ARL10: variants seen among roughly 807,000 people sequenced by gnomAD.
The protein encoded by ARL10 is ADP-ribosylation factor-like protein 10.
A neutral mutation model predicts 26.1 loss-of-function variants in ARL10; 23 were observed. That is an observed-to-expected ratio of 0.88 (90% CI 0.63 to 1.25). The LOEUF is 1.25. ARL10 is among the 50% of genes most tolerant of loss of function. The pLI, the probability that ARL10 is intolerant of heterozygous loss-of-function variation, is 0.00. For missense variants in ARL10, 300 were observed against 323.6 expected (o/e 0.93, Z 0.56); for synonymous variants, 138 against 149.1 (o/e 0.93, Z 0.54).
chr5:176,411,728 C>G, the ARL10 span, among the ~76,000 whole-genome samples: 1 of 152,172 alleles, frequency 6.6e-6, no homozygotes, highest in East Asian at 1.9e-4. Flanking sequence ...ATAAGTACAT[C>G]TAACCCTGGA....
chr5:176,382,420 G>A (rs1415207666), downstream of ARL10, among the ~76,000 whole-genome samples: 1 of 152,188 alleles, frequency 6.6e-6, no homozygotes, highest in Non-Finnish European at 1.5e-5. Context: ...GGCTGGAGGG[G>A]AGGCTGTGGA....
chr5:176,408,179 G>A, the ARL10 span, among the ~76,000 whole-genome samples: 2 of 151,986 alleles, frequency 1.3e-5, no homozygotes, highest in African/African-American at 2.4e-5. Flanking sequence ...TTAGGTGGGT[G>A]CGGACAGAAG....
In ARL10 at chr5:176,381,450, T is replaced by C. The variant is rs1179380949; in HGVS notation, c.*9555T>C. Reference sequence around the variant, plus strand: ...AGAAAAATTTTATAGACAAGTTAACTTTAACAGAGCAGAAAAGGGTTCATG... The same window carrying C: ...AGAAAAATTTTATAGACAAGTTAACCTTAACAGAGCAGAAAAGGGTTCATG... On this transcript the variant is annotated 3_prime_UTR_variant, in exon 4 of 4. Transcript: ENST00000310389. The C allele has an allele frequency of 6.6e-6, 1 of 152,238 alleles. No individual in the cohort carries two copies. The highest frequency in any genetic ancestry group is 2.4e-5 in the African/African-American group (1 of 41,464). The allele number at this position is 152,238 out of a possible 1,614,324, so 9.4% of individuals were successfully genotyped here.
intron 1 of ARL10, among the ~76,000 whole-genome samples, chr5:176,398,996 C>T (rs923083962): frequency 4.0e-5 from 6 of 151,888 alleles, no homozygotes; most frequent in Non-Finnish European, 7.4e-5. Context: ...GCACACGTCA[C>T]GACACCCGGC....
At chr5:176,393,359 T>A (rs1356705153), downstream of ARL10, among the ~76,000 whole-genome samples, 2 of 152,192 alleles carry the variant, frequency 1.3e-5, no homozygotes, top group Non-Finnish European at 2.9e-5. This position sits in a 1 kb window ranked among gnomAD's most constrained non-coding sequence, Gnocchi z 4.4. Flanking sequence ...CTTAGCTATT[T>A]CACCATTTCC....
At chr5:176,397,540 C>A (rs1756597015) in intron 1 of ARL10, 9 of 493,184 alleles carry the variant, frequency 1.8e-5, no homozygotes, top group Non-Finnish European at 2.9e-5. Context: ...GTCCCCACGG[C>A]CCCCTCATGT....
At chr5:176,389,587 C>G, downstream of ARL10, 9 of 1,382,748 alleles carry the variant, frequency 6.5e-6, no homozygotes, top group Non-Finnish European at 7.9e-6. Flanking sequence ...ACTCCCTCCT[C>G]TCCTTTGAGA....
Position 176,376,856 on chromosome 5 carries a change from G to A in ARL10, c.*4961G>A, listed in dbSNP as rs1768703295. The A allele has an allele frequency of 6.6e-6, 1 of 152,190 alleles. No homozygotes were observed. The allele number at this position is 152,190 out of a possible 1,614,324, so 9.4% of individuals were successfully genotyped here. On this transcript the variant is annotated 3_prime_UTR_variant, in exon 4 of 4. Coordinates refer to ENST00000310389, the MANE Select transcript of ARL10 (RefSeq NM_173664.6). ...GTGGGTAATAGAAGAACTTGGTATT[G>A]TCTCTTTCTGTGAGGTTTAAGGGCA... is the stretch of plus-strand genomic sequence containing the variant.
At chr5:176,387,598 T>C (rs969191006) in intron 1 of ARL10, among the ~76,000 whole-genome samples, 2 of 149,806 alleles carry the variant, frequency 1.3e-5, no homozygotes, top group African/African-American at 5.0e-5. Flanking sequence ...ACCCATTTTA[T>C]AGATAGGCAG....
rs1301804312 is a variant in ARL10 at position 176,372,775 on chromosome 5, G to A, written c.*880G>A. 2.3e-5 allele frequency: 9 copies of A among 397,520 alleles called. No homozygotes were observed. Among genetic ancestry groups the A allele is most frequent in the African/African-American group, 4.1e-5 (2 of 48,622 alleles). The allele number at this position is 397,520 out of a possible 1,614,324, so 24.6% of individuals were successfully genotyped here. Reference sequence around the variant, plus strand: ...GGACGACAGTCAACTGGAGCTAGGTGTTGACCTCAGAACTGCATTTTATTT... The same window carrying A: ...GGACGACAGTCAACTGGAGCTAGGTATTGACCTCAGAACTGCATTTTATTT... On this transcript the variant is annotated 3_prime_UTR_variant, in exon 4 of 4. Coordinates refer to ENST00000310389, the MANE Select transcript of ARL10 (RefSeq NM_173664.6).
In ARL10 at chr5:176,366,503, C is replaced by T. The variant is rs1455647470; in HGVS notation, c.307C>T (p.Leu103=). ...GCGCGTGTTGTCGGGGAAGCCACCG[C>T]TGGAAGGCCACATCCCCACCTGGGG... The part of the protein sequence containing the change: ...FLRVLSGKPP[L]EGHIPTWGFN... Residue 103 remains leucine (L), a synonymous_variant, in exon 2 of 4, where the codon CTG becomes TTG. Coordinates refer to ENST00000310389, the MANE Select transcript of ARL10 (RefSeq NM_173664.6). 1.2e-6 allele frequency: 2 copies of T among 1,614,024 alleles called. No homozygotes were observed. The highest frequency in any genetic ancestry group is 2.7e-5 in the African/African-American group (2 of 74,950).
At chr5:176,412,107 C>A in the ARL10 span, among the ~76,000 whole-genome samples, 1 of 145,082 alleles carries the variant, frequency 6.9e-6, no homozygotes, top group Non-Finnish European at 1.5e-5. Context: ...ACCCGGGAGG[C>A]GGAGCTTGCA....
downstream of ARL10, chr5:176,385,815 AGT>A (rs1049539986): frequency 1.3e-5 from 2 of 154,524 alleles, no homozygotes; most frequent in Admixed American, 1.3e-4. Context: ...GCACCTTACT[AGT>A]GCTCCATGGG....
At chr5:176,394,188 G>A (rs1433747291) in intron 1 of ARL10, among the ~76,000 whole-genome samples, 2 of 152,212 alleles carry the variant, frequency 1.3e-5, no homozygotes, top group Non-Finnish European at 2.9e-5. Context: ...GGGATGAGGG[G>A]AGCTATCCTC....
chr5:176,384,157 T>C, downstream of ARL10: 2 of 1,613,772 alleles, frequency 1.2e-6, no homozygotes, highest in Non-Finnish European at 1.7e-6. Flanking sequence ...CAGCACCTCC[T>C]TGCCTTACAC....
At chr5:176,394,529 T>C (rs1299685592) in intron 1 of ARL10, among the ~76,000 whole-genome samples, 4 of 151,604 alleles carry the variant, frequency 2.6e-5, no homozygotes, top group African/African-American at 7.3e-5. Context: ...AAAAATTAGC[T>C]GGGTGTGGCC....
downstream of ARL10, among the ~76,000 whole-genome samples, chr5:176,383,490 T>C (rs1581401677): frequency 6.6e-6 from 1 of 152,228 alleles, no homozygotes; most frequent in African/African-American, 2.4e-5. Flanking sequence ...CAGAGTGGGA[T>C]TCAGCAGTCC....
intron 1 of ARL10, among the ~76,000 whole-genome samples, chr5:176,399,001 C>G (rs901557073): frequency 6.6e-5 from 10 of 151,900 alleles, no homozygotes; most frequent in Middle Eastern, 3.2e-3. Context: ...CGTCACGACA[C>G]CCGGCTAATT....
intron 1 of ARL10, chr5:176,398,095 G>A (rs746774967): frequency 1.3e-5 from 20 of 1,530,146 alleles, no homozygotes; most frequent in Admixed American, 5.0e-5. Flanking sequence ...CACCTGCCCC[G>A]CTGTCTCTGC....
Sources: gnomAD v4.1 joint callset for allele counts (sites outside exome capture counted in the v4.1 genomes callset) on GRCh38, gnomAD v4.1.1 for gene constraint, Gnocchi (gnomAD v3.1) non-coding constraint, MANE v1.5 for transcripts, NCBI Gene and HGNC (gene_info 2026-07-23, HGNC 2026-07-21) for gene names.